Variants in CCDC148 observed in about 807,000 individuals in gnomAD.
CCDC148 encodes coiled-coil domain containing 148, also known as coiled-coil domain-containing protein 148.
Under a neutral mutation model 85.7 loss-of-function variants are expected in CCDC148, and 89 were observed. The ratio of observed to expected loss-of-function variants is 1.04; its 90% CI spans 0.87 to 1.24. The LOEUF is 1.24. Ranked by LOEUF, CCDC148 falls within the 50% of genes most tolerant of loss-of-function variation. The pLI, the probability that CCDC148 is intolerant of heterozygous loss-of-function variation, is 0.00. For missense variants in CCDC148, 692 were observed against 671.7 expected, an observed-to-expected ratio of 1.03 and a Z score of -0.33; for synonymous variants, 230 against 213.9, an observed-to-expected ratio of 1.08 and a Z score of -0.66.
chr2:158,291,159 C>T (rs967353684), intron 9 of CCDC148, among the ~76,000 whole-genome samples: 1 of 152,124 alleles, frequency 6.6e-6, no homozygotes, highest in Non-Finnish European at 1.5e-5. Context: ...CGCTATATTG[C>T]CCAGGCTTGA....
intron 1 of CCDC148, among the ~76,000 whole-genome samples, chr2:158,436,502 T>C (rs1472023439): frequency 1.3e-5 from 2 of 152,150 alleles, no homozygotes; most frequent in African/African-American, 2.4e-5. Context: ...TTTATAGCAC[T>C]AAATGCCCAC....
At chr2:158,393,955 T>C (rs1399896219) in intron 1 of CCDC148, among the ~76,000 whole-genome samples, 1 of 152,144 alleles carries the variant, frequency 6.6e-6, no homozygotes, top group South Asian at 2.1e-4. Context: ...GATGTGATTG[T>C]CATTTTGCCT....
intron 9 of CCDC148, among the ~76,000 whole-genome samples, chr2:158,266,794 A>G (rs1408520416): frequency 1.3e-5 from 2 of 151,886 alleles, no homozygotes; most frequent in African/African-American, 4.8e-5. Context: ...TACAAATGCC[A>G]TTACTTCATT....
chr2:158,176,728 G>T, intron 12 of CCDC148, 67 bp from the exon 13 acceptor site: 1 of 1,552,532 alleles, frequency 6.4e-7, no homozygotes, highest in South Asian at 1.1e-5. Context: ...CAACATTATT[G>T]ATGTCTAATG....
At chr2:158,353,684 C>A (rs547006012) in intron 2 of CCDC148, among the ~76,000 whole-genome samples, 3 of 152,118 alleles carry the variant, frequency 2.0e-5, no homozygotes, top group African/African-American at 4.8e-5. Context: ...AGAAAGTCAA[C>A]AAGGACACCC....
Position 158,408,600 on chromosome 2 carries a change from C to T in CCDC148, c.25+47815G>A, listed in dbSNP as rs147437376. Among the ~76,000 whole-genome samples, 964 of 152,148 alleles carry T rather than the reference C, an allele frequency of 6.3e-3. 11 individuals carry two copies. Among genetic ancestry groups the T allele is most frequent in the African/African-American group, 0.022 (918 of 41,514 alleles). On this transcript the variant is annotated intron_variant, in intron 1 of 13. Coordinates refer to ENST00000283233, the MANE Select transcript of CCDC148 (RefSeq NM_138803.4). ...AGGATAATATTCATAAACACACACACACACATACACAGACACACATATATA... is the reference window on the plus strand; with the variant it reads ...AGGATAATATTCATAAACACACACATACACATACACAGACACACATATATA...
chr2:158,210,859 T>C (rs1574408867), intron 11 of CCDC148, among the ~76,000 whole-genome samples: 1 of 144,652 alleles, frequency 6.9e-6, no homozygotes, highest in African/African-American at 2.6e-5. Context: ...CTTGGGAGGC[T>C]GAGACAGGAG....
At chr2:158,237,094 C>T (rs1608036) in intron 10 of CCDC148, among the ~76,000 whole-genome samples, 45,593 of 151,974 alleles carry the variant, frequency 0.3, 8,393 homozygotes, top group East Asian at 0.59. Flanking sequence ...GAGAGCAGTG[C>T]TCCAAACCTG....
intron 1 of CCDC148, among the ~76,000 whole-genome samples, chr2:158,372,256 G>T (rs112425143): frequency 6.6e-6 from 1 of 152,016 alleles, no homozygotes; most frequent in Non-Finnish European, 1.5e-5. Context: ...GGGGCGGGGG[G>T]AAAGGACAAA....
intron 1 of CCDC148, among the ~76,000 whole-genome samples, chr2:158,453,622 A>T (rs1177623021): frequency 6.6e-6 from 1 of 152,188 alleles, no homozygotes; most frequent in East Asian, 1.9e-4. Flanking sequence ...AGGTATGACA[A>T]GAGACTCAGT....
intron 10 of CCDC148, among the ~76,000 whole-genome samples, chr2:158,225,011 A>G (rs1687422537): frequency 6.6e-6 from 1 of 152,224 alleles, no homozygotes; most frequent in Admixed American, 6.5e-5. Flanking sequence ...AGACTGGCAA[A>G]TTGGATAAAG....
chr2:158,311,575 G>A (rs1692022046), intron 8 of CCDC148, among the ~76,000 whole-genome samples: 1 of 152,102 alleles, frequency 6.6e-6, no homozygotes, highest in African/African-American at 2.4e-5. Flanking sequence ...ATTTCTAAAT[G>A]GTAATGATTC....
intron 1 of CCDC148, among the ~76,000 whole-genome samples, chr2:158,384,614 CA>C (rs1161157982): frequency 5.9e-5 from 9 of 152,248 alleles, no homozygotes; most frequent in African/African-American, 2.2e-4. Context: ...GTTTTCTGTA[CA>C]GCATGTGGAA....
intron 10 of CCDC148, among the ~76,000 whole-genome samples, chr2:158,244,257 T>C (rs1389339775): frequency 6.6e-6 from 1 of 152,202 alleles, no homozygotes; most frequent in East Asian, 1.9e-4. Flanking sequence ...AAAATCTGTA[T>C]TAGTTTTTTT....
At chr2:158,342,957 T>C (rs1293046403) in intron 3 of CCDC148, among the ~76,000 whole-genome samples, 2 of 152,226 alleles carry the variant, frequency 1.3e-5, no homozygotes, top group Admixed American at 1.3e-4. Context: ...AAATTTTGTC[T>C]AGTTTTCTTA....
chr2:158,391,608 T>C (rs1349333216), intron 1 of CCDC148, among the ~76,000 whole-genome samples: 1 of 152,172 alleles, frequency 6.6e-6, no homozygotes, highest in Non-Finnish European at 1.5e-5. Context: ...ATCCCTCTAT[T>C]AGGAACCCAC....
chr2:158,192,242 G>A (rs1685456484), intron 11 of CCDC148, among the ~76,000 whole-genome samples: 1 of 151,992 alleles, frequency 6.6e-6, no homozygotes, highest in Admixed American at 6.6e-5. Context: ...CCTACATTAA[G>A]CTAGAGATGT....
chr2:158,370,121 T>C (rs1342953311), intron 1 of CCDC148, among the ~76,000 whole-genome samples: 3 of 152,008 alleles, frequency 2.0e-5, no homozygotes, highest in Non-Finnish European at 2.9e-5. Context: ...TGGCCTGAGG[T>C]TGGCCTGTCA....
chr2:158,178,985 C>G lies in CCDC148; in HGVS notation c.1382G>C (p.Arg461Thr), dbSNP rs1293496364. The change falls in exon 12 of 14, where the codon AGA becomes ACA. Residue 461 changes from arginine to threonine, a missense_variant. Coordinates refer to ENST00000283233, the MANE Select transcript of CCDC148 (RefSeq NM_138803.4). Reference sequence around the variant, plus strand: ...CAAACGCCTTTCCAATAATTCTTGTCTATATTTAACCCTTTAAAAATAACA... The same window carrying G: ...CAAACGCCTTTCCAATAATTCTTGTGTATATTTAACCCTTTAAAAATAACA... Reference protein sequence around the residue: ...SLKDRERVKYRQELLERRLME... With the variant: ...SLKDRERVKYTQELLERRLME... 1 of 1,610,872 alleles carries G rather than the reference C, an allele frequency of 6.2e-7. No individual in the cohort carries two copies. The highest frequency in any genetic ancestry group is 1.7e-5 in the Admixed American group (1 of 59,942).
Sources: gnomAD v4.1 joint callset for allele counts (sites outside exome capture counted in the v4.1 genomes callset) on GRCh38, gnomAD v4.1.1 for gene constraint, MANE v1.5 for transcripts, NCBI Gene and HGNC (gene_info 2026-07-23, HGNC 2026-07-21) for gene names.